The following GSK3B variants were observed in gnomAD, a reference collection of about 807,000 sequenced individuals.
GSK3B encodes the protein glycogen synthase kinase 3 beta.
A neutral mutation model predicts 56.4 loss-of-function variants in GSK3B; 15 were observed. The ratio of observed to expected loss-of-function variants is 0.27; its 90% CI spans 0.18 to 0.41. The LOEUF (loss-of-function observed/expected upper bound fraction) is 0.41, where lower values mean the gene tolerates loss of function less well. Ranked by LOEUF, GSK3B falls within the 10% of genes least tolerant of loss-of-function variation. GSK3B has a pLI of 1.00. For synonymous variants in GSK3B, 181 were observed against 188.9 expected, an observed-to-expected ratio of 0.96 and a Z score of 0.34; for missense variants, 300 against 513.4, an observed-to-expected ratio of 0.58 and a Z score of 4.02.
At chr3:119,915,628 G>A (rs1256106439) in intron 5 of GSK3B, among the ~76,000 whole-genome samples, 2 of 151,872 alleles carry the variant, frequency 1.3e-5, no homozygotes, top group African/African-American at 4.8e-5. Flanking sequence ...TCTTGATCTT[G>A]CTTTCTTCAT....
chr3:119,988,706 G>T (rs1194972593), intron 2 of GSK3B, among the ~76,000 whole-genome samples: 1 of 152,172 alleles, frequency 6.6e-6, no homozygotes, highest in African/African-American at 2.4e-5. Flanking sequence ...CCAACTCATA[G>T]ATATTTGATA....
chr3:120,036,801 A>AC (rs2058027220), intron 1 of GSK3B, among the ~76,000 whole-genome samples: 1 of 151,416 alleles, frequency 6.6e-6, no homozygotes, highest in Non-Finnish European at 1.5e-5. Flanking sequence ...TCAAAAAAAA[A>AC]AAAAAAAAAA....
chr3:120,028,291 T>TA (rs2057945071), intron 1 of GSK3B, among the ~76,000 whole-genome samples: 5 of 152,160 alleles, frequency 3.3e-5, no homozygotes, highest in Admixed American at 3.3e-4. Flanking sequence ...ACTTAATAGA[T>TA]AAAAGAAATG....
intron 2 of GSK3B, among the ~76,000 whole-genome samples, chr3:119,990,364 A>C (rs1378311355): frequency 6.6e-6 from 1 of 152,230 alleles, no homozygotes; most frequent in Non-Finnish European, 1.5e-5. Context: ...AGTCTGTAAG[A>C]GAAAGCGCTC....
chr3:119,843,814 C>T (rs1008122166), intron 9 of GSK3B, among the ~76,000 whole-genome samples: 1 of 152,048 alleles, frequency 6.6e-6, no homozygotes, highest in Non-Finnish European at 1.5e-5. Context: ...CAGCTCTGGA[C>T]CAAGTTCTGT....
chr3:119,897,619 A>G (rs942769725), intron 7 of GSK3B, among the ~76,000 whole-genome samples: 4 of 151,944 alleles, frequency 2.6e-5, no homozygotes, highest in Admixed American at 2.6e-4. Flanking sequence ...TTACTAATAG[A>G]TTTTCAAAGT....
chr3:119,904,622 T>C (rs2056663727), intron 7 of GSK3B, among the ~76,000 whole-genome samples: 1 of 152,178 alleles, frequency 6.6e-6, no homozygotes, highest in Non-Finnish European at 1.5e-5. Flanking sequence ...ATCACAGTCC[T>C]ATGTTCAACT....
chr3:119,935,300 C>A (rs1007838435), intron 3 of GSK3B, among the ~76,000 whole-genome samples: 1 of 151,976 alleles, frequency 6.6e-6, no homozygotes, highest in Non-Finnish European at 1.5e-5. Context: ...AAATTCACTT[C>A]TATCAGTAAT....
intron 1 of GSK3B, among the ~76,000 whole-genome samples, chr3:120,042,394 T>A (rs563553962): frequency 1.3e-5 from 2 of 152,214 alleles, no homozygotes; most frequent in Non-Finnish European, 2.9e-5. Flanking sequence ...GCAGTCTTCA[T>A]GGAACTTATA....
intron 1 of GSK3B, among the ~76,000 whole-genome samples, chr3:120,045,418 T>C (rs939922716): frequency 6.6e-6 from 1 of 152,038 alleles, no homozygotes; most frequent in Non-Finnish European, 1.5e-5. Context: ...TCTGCACCCA[T>C]TCCACCTTTT....
At chr3:119,865,578 T>C (rs2056171710) in intron 8 of GSK3B, among the ~76,000 whole-genome samples, 1 of 149,232 alleles carries the variant, frequency 6.7e-6, no homozygotes, top group Admixed American at 6.7e-5. Flanking sequence ...CATGCCATTC[T>C]CCTGCCTCAG....
rs538792421 is a variant in GSK3B, at chr3:119,889,953, C to T, written c.814-13445G>A. Among the ~76,000 whole-genome samples, 20 of 151,996 alleles carry T rather than the reference C, an allele frequency of 1.3e-4. No individual in the cohort carries two copies. In the South Asian group the frequency reaches 4.2e-3, roughly 32 times the overall value. On this transcript the variant is annotated intron_variant, in intron 7 of 10. Transcript: ENST00000264235. Reference sequence around the variant, plus strand: ...AAACAAAAATAAAGAGGGGCATTTCCTAATGATAAAAGTCATTTTAAGACT... The same window carrying T: ...AAACAAAAATAAAGAGGGGCATTTCTTAATGATAAAAGTCATTTTAAGACT...
rs1293932255 is a variant in GSK3B at position 119,961,634 on chromosome 3, A to C, written c.283-14283T>G. ...AGAGCAAGACTCTGTCTCACAAACAAAAAAAAAAAAAAAAAAGGAAAAAGC... is the reference window on the plus strand; with the variant it reads ...AGAGCAAGACTCTGTCTCACAAACACAAAAAAAAAAAAAAAAGGAAAAAGC... On this transcript the variant is annotated intron_variant, in intron 2 of 10. Transcript: ENST00000264235. Among the ~76,000 whole-genome samples the C allele has an allele frequency of 9.2e-5, 5 of 54,286 alleles. No individual in the cohort carries two copies. In the African/African-American group the frequency reaches 1.4e-3, roughly 15 times the overall value. 35.6% of individuals were successfully genotyped at this position (54,286 alleles called of 152,430 possible).
At chr3:119,925,998 A>G (rs2056885837) in intron 3 of GSK3B, among the ~76,000 whole-genome samples, 1 of 152,056 alleles carries the variant, frequency 6.6e-6, no homozygotes, top group African/African-American at 2.4e-5. Context: ...AGGACACTAT[A>G]CTTTTTTGGT....
chr3:120,003,770 TG>T (rs1241821521), intron 1 of GSK3B, among the ~76,000 whole-genome samples: 1 of 152,252 alleles, frequency 6.6e-6, no homozygotes, highest in Non-Finnish European at 1.5e-5. Flanking sequence ...ATGGCATTCA[TG>T]GTCGCTTCCA....
intron 10 of GSK3B, among the ~76,000 whole-genome samples, chr3:119,840,247 A>G (rs1161554203): frequency 1.3e-5 from 2 of 150,232 alleles, no homozygotes; most frequent in African/African-American, 2.4e-5. Context: ...TTTTTGAGAC[A>G]AAGTTTTGCT....
intron 1 of GSK3B, among the ~76,000 whole-genome samples, chr3:120,006,828 A>G (rs1397358368): frequency 6.6e-6 from 1 of 152,172 alleles, no homozygotes; most frequent in African/African-American, 2.4e-5. Context: ...ATCTAAATCA[A>G]CATCCTAACA....
intron 1 of GSK3B, chr3:120,084,507 T>C (rs1380699401): frequency 1.3e-5 from 2 of 152,194 alleles, no homozygotes; most frequent in Non-Finnish European, 1.5e-5. Context: ...TATATTCCTT[T>C]ATAAAAGTAA....
chr3:119,918,780 T>C (rs2056807249), intron 4 of GSK3B, among the ~76,000 whole-genome samples: 1 of 152,182 alleles, frequency 6.6e-6, no homozygotes, highest in African/African-American at 2.4e-5. Context: ...AACATTTCCA[T>C]AAAACAATTA....
Sources: gnomAD v4.1 joint callset for allele counts (sites outside exome capture counted in the v4.1 genomes callset) on GRCh38, gnomAD v4.1.1 for gene constraint, MANE v1.5 for transcripts, NCBI Gene and HGNC (gene_info 2026-07-23, HGNC 2026-07-21) for gene names.